RSPH3: variants seen among roughly 807,000 people sequenced by gnomAD.
RSPH3 encodes radial spoke head protein 3 homolog.
Under a neutral mutation model 43.8 loss-of-function variants are expected in RSPH3, and 21 were observed. That is an observed-to-expected ratio of 0.48 (90% CI 0.34 to 0.69). The LOEUF (loss-of-function observed/expected upper bound fraction) is 0.69, where lower values mean the gene tolerates loss of function less well. Ranked by LOEUF, RSPH3 falls within the 30% of genes least tolerant of loss-of-function variation. The pLI is 0.01. For synonymous variants in RSPH3, 173 were observed against 179.8 expected (o/e 0.96, Z 0.30); for missense variants, 487 against 516.0 (o/e 0.94, Z 0.54).
downstream of RSPH3, among the ~76,000 whole-genome samples, chr6:158,971,643 G>T (rs1777695102): frequency 6.6e-6 from 1 of 152,096 alleles, no homozygotes; most frequent in Admixed American, 6.5e-5. Context: ...ATATTGTAGG[G>T]TCAATAATGA....
chr6:159,000,081 T>A lies in RSPH3; in HGVS notation c.-531A>T. 3 of 1,196,916 alleles carry A rather than the reference T, an allele frequency of 2.5e-6. No homozygotes were observed. The East Asian group carries it at 7.9e-5, about 32-fold the overall frequency. The allele number at this position is 1,196,916 out of a possible 1,614,324, so 74.1% of individuals were successfully genotyped here. A position where few individuals can be genotyped will look rare whatever the true frequency, so the allele number is the denominator to read the frequency against. On this transcript the variant is annotated 5_prime_UTR_variant, in exon 1 of 8. Transcript: ENST00000367069. ...TTCTCGCAGGCCCACGTGCTCCTGCTCTTCCAGGGTGTCCTCGGCTGTTTC... is the reference window on the plus strand; with the variant it reads ...TTCTCGCAGGCCCACGTGCTCCTGCACTTCCAGGGTGTCCTCGGCTGTTTC...
intron 5 of RSPH3, 71 bp downstream of exon 5, chr6:158,982,414 C>T: frequency 1.1e-6 from 1 of 910,466 alleles, no homozygotes; most frequent in South Asian, 1.7e-5. Context: ...TATATCATCA[C>T]ATGTAATTTT....
chr6:158,979,580 C>A (rs1039344781), intron 6 of RSPH3, among the ~76,000 whole-genome samples: 3 of 152,268 alleles, frequency 2.0e-5, no homozygotes, highest in African/African-American at 7.2e-5. Context: ...AATGGGAATT[C>A]TATCTGACCT....
rs773663592 is a variant in RSPH3, at chr6:158,999,898, C to T, written c.-348G>A. 7 of 1,613,198 alleles carry T rather than the reference C, an allele frequency of 4.3e-6. No individual in the cohort carries two copies. Among genetic ancestry groups the T allele is most frequent in the Admixed American group, 1.7e-5 (1 of 59,998 alleles). Reference sequence around the variant, plus strand: ...ACTTCCGGCTCTTGACTCCGCCCAGCCGCGCCACCCAGGTAGGTGCGCCTG... The same window carrying T: ...ACTTCCGGCTCTTGACTCCGCCCAGTCGCGCCACCCAGGTAGGTGCGCCTG... On this transcript the variant is annotated 5_prime_UTR_variant, in exon 1 of 8. Coordinates refer to ENST00000367069, the MANE Select transcript of RSPH3 (RefSeq NM_031924.8).
chr6:158,970,016 C>T (rs1339606629), downstream of RSPH3, among the ~76,000 whole-genome samples: 1 of 151,788 alleles, frequency 6.6e-6, no homozygotes, highest in Non-Finnish European at 1.5e-5. Flanking sequence ...TCCTTGGGAA[C>T]AGTTTCTATT....
At chr6:158,981,348 T>C (rs1323840894) in intron 5 of RSPH3, among the ~76,000 whole-genome samples, 1 of 152,208 alleles carries the variant, frequency 6.6e-6, no homozygotes, top group Non-Finnish European at 1.5e-5. Flanking sequence ...TGAATGGTTC[T>C]GAAGATTATG....
chr6:158,980,661 G>A (rs1321933136), intron 6 of RSPH3, 113 bp downstream of exon 6: 1 of 826,632 alleles, frequency 1.2e-6, no homozygotes, highest in Non-Finnish European at 1.9e-6. Context: ...AATTGACTTT[G>A]TGTCAGAAAT....
chr6:158,999,277 C>T (rs1331373646), intron 1 of RSPH3, among the ~76,000 whole-genome samples, 158 bp downstream of exon 1: 2,698 of 152,326 alleles, frequency 0.018, 34 homozygotes, highest in Middle Eastern at 0.024. Flanking sequence ...CACTCCTCCA[C>T]ACCACGGGAG....
chr6:158,999,952 C>T lies in RSPH3; in HGVS notation c.-402G>A, dbSNP rs1316298760. On this transcript the variant is annotated 5_prime_UTR_variant, in exon 1 of 8. Transcript: ENST00000367069. ...TTTGCGAGGTTCCTGGCTAGGGAGG[C>T]GGCCTTGGCTGGCTTGACCGTCATC... The T allele has an allele frequency of 1.9e-6, 3 of 1,604,156 alleles. No individual in the cohort carries two copies. The highest frequency in any genetic ancestry group is 2.2e-5 in the South Asian group (2 of 89,736).
chr6:158,985,631 G>A (rs540949922), intron 3 of RSPH3, among the ~76,000 whole-genome samples: 1 of 151,932 alleles, frequency 6.6e-6, no homozygotes, highest in South Asian at 2.1e-4. Context: ...GGCGTCTTTG[G>A]TCTCGAACTC....
the RSPH3 span, among the ~76,000 whole-genome samples, chr6:158,963,412 T>TCCTTCCC: frequency 1.3e-5 from 1 of 74,386 alleles, no homozygotes; most frequent in Non-Finnish European, 2.5e-5. Flanking sequence ...CCCTCCCCCC[T>TCCTTCCC]CCTTCCCCCT....
At position 158,989,847 on chromosome 6, in the gene RSPH3, T is replaced by A. The variant is rs998708348; in HGVS notation, c.205-3426A>T. 6.6e-6 allele frequency among the ~76,000 whole-genome samples: 1 copy of A among 152,198 alleles called. No individual in the cohort carries two copies. The highest frequency in any genetic ancestry group is 2.4e-5 in the African/African-American group (1 of 41,444). ...CTTGATTGGATTGAAGGATACCAAG[T>A]ACTGATCCTGGGTGTGTCTCAGGGT... On this transcript the variant is annotated intron_variant, in intron 2 of 7. Coordinates refer to ENST00000367069, the MANE Select transcript of RSPH3 (RefSeq NM_031924.8). This position sits in a 1 kb window ranked among gnomAD's most constrained non-coding sequence, Gnocchi z 4.3.
Position 158,999,892 on chromosome 6 carries a change from G to A in RSPH3, c.-342C>T. 6.2e-7 allele frequency: 1 copy of A among 1,613,224 alleles called. No individual in the cohort carries two copies. The highest frequency in any genetic ancestry group is 8.5e-7 in the Non-Finnish European group (1 of 1,179,848). ...CAAGGGACTTCCGGCTCTTGACTCCGCCCAGCCGCGCCACCCAGGTAGGTG... is the reference window on the plus strand; with the variant it reads ...CAAGGGACTTCCGGCTCTTGACTCCACCCAGCCGCGCCACCCAGGTAGGTG... On this transcript the variant is annotated 5_prime_UTR_variant, in exon 1 of 8. Transcript: ENST00000367069.
At chr6:158,984,434 T>TTATATATATATATATATATATATATA (rs55999313) in intron 3 of RSPH3, among the ~76,000 whole-genome samples, 1 of 63,708 alleles carries the variant, frequency 1.6e-5, no homozygotes, top group African/African-American at 8.1e-5. Flanking sequence ...AAAAAGTCAA[T>TTATATATATATATATATATATATATA]TATATATATA....
chr6:158,965,076 G>C, the RSPH3 span, among the ~76,000 whole-genome samples: 1 of 152,138 alleles, frequency 6.6e-6, no homozygotes, highest in East Asian at 1.9e-4. Flanking sequence ...CTTATTGAAT[G>C]ATCTTGAACA....
At chr6:158,993,019 T>C (rs1426007046) in intron 2 of RSPH3, among the ~76,000 whole-genome samples, 1 of 152,232 alleles carries the variant, frequency 6.6e-6, no homozygotes, top group Non-Finnish European at 1.5e-5. Context: ...CTAGTGTCTA[T>C]AAACTATTTG....
chr6:158,970,649 G>A (rs2128603632), downstream of RSPH3, among the ~76,000 whole-genome samples: 1 of 151,944 alleles, frequency 6.6e-6, no homozygotes, highest in South Asian at 2.1e-4. Flanking sequence ...GGGTTCAAGT[G>A]ATTCTCCTGT....
chr6:158,977,058 C>A lies in RSPH3; in HGVS notation c.*480G>T. ...CAAACTCCCGACCTCAGGGGATCTGCCAGCCTCAGCCTCCCAAAGTGCTGG... is the reference window on the plus strand; with the variant it reads ...CAAACTCCCGACCTCAGGGGATCTGACAGCCTCAGCCTCCCAAAGTGCTGG... On this transcript the variant is annotated 3_prime_UTR_variant, in exon 8 of 8. Coordinates refer to ENST00000367069, the MANE Select transcript of RSPH3 (RefSeq NM_031924.8). 1 of 153,990 alleles carries A rather than the reference C, an allele frequency of 6.5e-6. No individual in the cohort carries two copies. The highest frequency in any genetic ancestry group is 1.4e-5 in the Non-Finnish European group (1 of 69,318). The allele number at this position is 153,990 out of a possible 1,614,324, so 9.5% of individuals were successfully genotyped here.
chr6:158,999,653 A>G lies in RSPH3; in HGVS notation c.-103T>C, dbSNP rs1252249217. ...AGAGATGTAAGTAGTGCCAAGGGCAAGGATTCCGCGACGCGAGGAGAGGCG... is the reference window on the plus strand; with the variant it reads ...AGAGATGTAAGTAGTGCCAAGGGCAGGGATTCCGCGACGCGAGGAGAGGCG... On this transcript the variant is annotated 5_prime_UTR_variant, in exon 1 of 8. Transcript: ENST00000367069. The G allele has an allele frequency of 6.2e-7, 1 of 1,614,092 alleles. No homozygotes were observed. Among genetic ancestry groups the G allele is most frequent in the Admixed American group, 1.7e-5 (1 of 59,996 alleles).
Sources: allele counts gnomAD v4.1 joint callset (sites outside exome capture counted in the v4.1 genomes callset), GRCh38; gene constraint gnomAD v4.1.1; non-coding constraint Gnocchi (gnomAD v3.1); transcripts MANE v1.5; gene names NCBI Gene and HGNC (gene_info 2026-07-23, HGNC 2026-07-21).